The following C4orf17 variants were observed in gnomAD, a reference collection of about 807,000 sequenced individuals.
The protein encoded by C4orf17 is chromosome 4 open reading frame 17.
C4orf17 carries 25 observed loss-of-function variants against 32.0 expected under a neutral mutation model. That is an observed-to-expected ratio of 0.78 (90% CI 0.57 to 1.09). The LOEUF (loss-of-function observed/expected upper bound fraction) is 1.09, where lower values mean the gene tolerates loss of function less well. C4orf17 is among the 50% of genes least tolerant of loss of function. The pLI is 0.00. For synonymous variants in C4orf17, 149 were observed against 145.8 expected, an observed-to-expected ratio of 1.02 and a Z score of -0.16; for missense variants, 420 against 420.0, an observed-to-expected ratio of 1.00 and a Z score of 0.00.
At chr4:99,524,988 T>C (rs1381620819) in intron 4 of C4orf17, among the ~76,000 whole-genome samples, 1 of 152,200 alleles carries the variant, frequency 6.6e-6, no homozygotes, top group Non-Finnish European at 1.5e-5. Context: ...ATTTTAAGAT[T>C]CATCCATGTT....
chr4:99,522,511 A>G lies in C4orf17; in HGVS notation c.139A>G (p.Ile47Val). Residue 47 changes from isoleucine (I) to valine (V), a missense_variant, in exon 3 of 9, where the codon ATT (isoleucine) becomes GTT (valine). Physicochemically the swap from Ile to Val is conservative, Grantham distance 29 (BLOSUM62 3). Coordinates refer to ENST00000326581, the MANE Select transcript of C4orf17 (RefSeq NM_032149.3). ...RVCHIKGLNN[I>V]PICTVNDDEN... ...CTTTACTCACCTAGGCTTGAATAAC[A>G]TTCCAATCTGTACTGTGAATGATGA... is the stretch of plus-strand genomic sequence containing the variant. 1.2e-6 allele frequency: 2 copies of G among 1,613,674 alleles called. No homozygotes were observed. The highest frequency in any genetic ancestry group is 8.5e-7 in the Non-Finnish European group (1 of 1,179,694).
intron 6 of C4orf17, 45 bp from the exon 7 acceptor site, chr4:99,539,118 A>G (rs1723610533): frequency 1.9e-6 from 3 of 1,545,100 alleles, no homozygotes; most frequent in Admixed American, 1.7e-5. Flanking sequence ...CAACATGATA[A>G]TTGCAACCTT....
chr4:99,535,535 G>A (rs1406293286), intron 5 of C4orf17, among the ~76,000 whole-genome samples: 2 of 152,006 alleles, frequency 1.3e-5, no homozygotes, highest in African/African-American at 4.8e-5. Context: ...TTTCTGCTAT[G>A]AATACTTACA....
chr4:99,518,922 T>C (rs2718689), intron 2 of C4orf17, among the ~76,000 whole-genome samples: 78,368 of 151,912 alleles, frequency 0.52, 22,768 homozygotes, highest in East Asian at 0.66. Flanking sequence ...TCAATCTAAA[T>C]TAGATTTTCT....
chr4:99,534,294 G>A (rs891005788), intron 5 of C4orf17, among the ~76,000 whole-genome samples: 4 of 152,092 alleles, frequency 2.6e-5, no homozygotes, highest in African/African-American at 9.7e-5. Context: ...CTCCATCTAT[G>A]TCCTTGCAAA....
chr4:99,512,103 G>A (rs950800803), intron 1 of C4orf17, among the ~76,000 whole-genome samples: 2 of 152,040 alleles, frequency 1.3e-5, no homozygotes, highest in African/African-American at 4.8e-5. Context: ...TCAATTTCTA[G>A]AACATGAACA....
intron 2 of C4orf17, among the ~76,000 whole-genome samples, chr4:99,513,987 G>A (rs1256878667): frequency 6.6e-6 from 1 of 152,084 alleles, no homozygotes; most frequent in African/African-American, 2.4e-5. Flanking sequence ...AATTCACCTA[G>A]GATGGGGTGA....
intron 7 of C4orf17, among the ~76,000 whole-genome samples, chr4:99,540,001 G>A (rs1369378503): frequency 6.6e-6 from 1 of 152,020 alleles, no homozygotes. Context: ...TTTAAGCTAG[G>A]AGAGAAAATC....
At chr4:99,518,420 G>T (rs1723221855) in intron 2 of C4orf17, among the ~76,000 whole-genome samples, 2 of 140,602 alleles carry the variant, frequency 1.4e-5, no homozygotes, top group East Asian at 2.1e-4. Flanking sequence ...CGAGTTCAAG[G>T]CTGCAATGAG....
chr4:99,540,298 G>C lies in C4orf17; in HGVS notation c.837-114G>C, dbSNP rs1471092899. The C allele has an allele frequency of 6.4e-6, 4 of 621,080 alleles. No homozygotes were observed. In the East Asian group the frequency reaches 1.1e-4, roughly 17 times the overall value. The allele number at this position is 621,080 out of a possible 1,614,324, so 38.5% of individuals were successfully genotyped here. ...TATGCATTAAAAAAAACAAAGAATT[G>C]GGGTAGCATATTTAAGATACATATA... On this transcript the variant is annotated intron_variant, in intron 7 of 8. Coordinates refer to ENST00000326581, the MANE Select transcript of C4orf17 (RefSeq NM_032149.3).
rs1334504859 is a variant in C4orf17 at position 99,524,585 on chromosome 4, G to A, written c.402G>A (p.Lys134=). The A allele has an allele frequency of 1.3e-6, 2 of 1,579,908 alleles. No individual in the cohort carries two copies. Among genetic ancestry groups the A allele is most frequent in the Non-Finnish European group, 1.7e-6 (2 of 1,152,980 alleles). ...TSSENPLVIK[K]EEIKAKRPPS... Reference sequence around the variant, plus strand: ...GTGAGAATCCCTTAGTAATTAAAAAGGTAAGGAACAGCTATTTACTGCTAT... The same window carrying A: ...GTGAGAATCCCTTAGTAATTAAAAAAGTAAGGAACAGCTATTTACTGCTAT... Residue 134 remains lysine (K), a splice_region_variant and synonymous_variant, in exon 4 of 9, where the codon AAG becomes AAA. Transcript: ENST00000326581.
chr4:99,511,475 T>C (rs1723092800), intron 1 of C4orf17, among the ~76,000 whole-genome samples: 1 of 152,046 alleles, frequency 6.6e-6, no homozygotes, highest in South Asian at 2.1e-4. Flanking sequence ...TCTAAGAGAA[T>C]TGATGTGGGA....
intron 5 of C4orf17, among the ~76,000 whole-genome samples, chr4:99,531,793 T>C (rs1274349645): frequency 2.0e-5 from 3 of 152,132 alleles, no homozygotes; most frequent in Non-Finnish European, 4.4e-5. Flanking sequence ...TTTTGGCTTG[T>C]ATAAAAGAGC....
intron 2 of C4orf17, among the ~76,000 whole-genome samples, chr4:99,521,149 G>A (rs753183368): frequency 6.6e-5 from 10 of 152,192 alleles, no homozygotes; most frequent in Non-Finnish European, 1.2e-4. Flanking sequence ...TGAGGTGGGC[G>A]GATTACAAGG....
chr4:99,535,214 T>G (rs1011981485), intron 5 of C4orf17, among the ~76,000 whole-genome samples: 1 of 152,146 alleles, frequency 6.6e-6, no homozygotes, highest in African/African-American at 2.4e-5. Context: ...ATGATGTATC[T>G]TAGGGTGGAT....
chr4:99,531,086 G>A (rs561123543), intron 5 of C4orf17, among the ~76,000 whole-genome samples: 5 of 151,220 alleles, frequency 3.3e-5, no homozygotes, highest in African/African-American at 1.2e-4. Context: ...CCAATCTAAA[G>A]TAGCTAACCA....
chr4:99,537,812 T>C, intron 6 of C4orf17, 62 bp downstream of exon 6: 1 of 1,152,648 alleles, frequency 8.7e-7, no homozygotes, highest in Admixed American at 1.7e-5. Flanking sequence ...ACTGGGAATA[T>C]GCCAATATCT....
chr4:99,534,219 A>T (rs924819136), intron 5 of C4orf17, among the ~76,000 whole-genome samples: 2 of 152,118 alleles, frequency 1.3e-5, no homozygotes, highest in Non-Finnish European at 2.9e-5. Flanking sequence ...TCCCACTTAT[A>T]AGTGAGAACA....
rs776318381 is a variant in C4orf17, at chr4:99,529,881, TC to T, written c.470del (p.Ser157Ter). ...KACSTPGSCS[S>X]GMTSTKNDVK... ...ATGCTCTACTCCTGGCTCCTGTTCT[TC>T]AGGGATGACAAGTACCAAGAATGAT... is the stretch of plus-strand genomic sequence containing the variant. On this transcript the variant is annotated frameshift_variant, in exon 5 of 9. Coordinates refer to ENST00000326581, the MANE Select transcript of C4orf17 (RefSeq NM_032149.3). LOFTEE classifies it high-confidence loss of function. The T allele has an allele frequency of 4.5e-3, 7,325 of 1,612,592 alleles. 281 individuals are homozygous for T. In the African/African-American group the frequency reaches 0.08, roughly 18 times the overall value.
Sources: gnomAD v4.1 joint callset for allele counts (sites outside exome capture counted in the v4.1 genomes callset) on GRCh38, gnomAD v4.1.1 for gene constraint, MANE v1.5 for transcripts, NCBI Gene and HGNC (gene_info 2026-07-23, HGNC 2026-07-21) for gene names.